Variants in LMX1B observed in about 807,000 individuals in gnomAD.
The protein encoded by LMX1B is LIM homeobox transcription factor 1-beta.
In LMX1B, 12 loss-of-function variants were observed where a neutral mutation model predicts 51.4. That is an observed-to-expected ratio of 0.23 (90% CI 0.15 to 0.38). The LOEUF (loss-of-function observed/expected upper bound fraction) is 0.38, where lower values mean the gene tolerates loss of function less well. LMX1B is among the 10% of genes least tolerant of loss of function. LMX1B has a pLI of 1.00. For missense variants in LMX1B, 445 were observed against 571.1 expected, an observed-to-expected ratio of 0.78 and a Z score of 2.25; for synonymous variants, 237 against 235.4, an observed-to-expected ratio of 1.01 and a Z score of -0.06.
At chr9:126,693,429 T>A (rs775288437) in intron 4 of LMX1B, 95 bp from the exon 5 acceptor site, 4 of 1,542,042 alleles carry the variant, frequency 2.6e-6, no homozygotes, top group Non-Finnish European at 3.6e-6. Flanking sequence ...CCCTCCATCC[T>A]CCATCTCTCC....
intron 2 of LMX1B, among the ~76,000 whole-genome samples, chr9:126,663,992 C>T (rs1588288986): frequency 6.6e-6 from 1 of 152,216 alleles, no homozygotes; most frequent in African/African-American, 2.4e-5. Context: ...TTTGGCACAT[C>T]TTGACTGCCA....
At chr9:126,681,997 C>A (rs1490667498) in intron 2 of LMX1B, among the ~76,000 whole-genome samples, 1 of 150,786 alleles carries the variant, frequency 6.6e-6, no homozygotes, top group East Asian at 1.9e-4. Context: ...GTCCCCTTTG[C>A]CCCCCAGCTC....
intron 2 of LMX1B, among the ~76,000 whole-genome samples, chr9:126,686,919 C>T (rs1403591440): frequency 1.3e-5 from 2 of 152,186 alleles, no homozygotes; most frequent in African/African-American, 2.4e-5. Flanking sequence ...AGACTGATAA[C>T]GGAGCCAGGA....
intron 2 of LMX1B, among the ~76,000 whole-genome samples, chr9:126,654,494 T>C (rs1288909602): frequency 6.6e-6 from 1 of 152,202 alleles, no homozygotes; most frequent in East Asian, 1.9e-4. Context: ...GGTAGGTTGG[T>C]GGTAGGTACC....
chr9:126,625,382 C>T lies in LMX1B; in HGVS notation c.326+9813C>T, dbSNP rs1024538752. 6.6e-6 allele frequency among the ~76,000 whole-genome samples: 1 copy of T among 152,184 alleles called. No individual in the cohort carries two copies. Among genetic ancestry groups the T allele is most frequent in the African/African-American group, 2.4e-5 (1 of 41,446 alleles). On this transcript the variant is annotated intron_variant, in intron 2 of 7. Coordinates refer to ENST00000373474, the MANE Select transcript of LMX1B (RefSeq NM_001174147.2). The surrounding 1 kb of genome is among the most constrained non-coding windows in gnomAD (Gnocchi z 5.3). ...GGGAGGGTTAGTGGGATGTGTTTGC[C>T]TCCTCTGACCGAGAGCACGGGTCCT... is the stretch of plus-strand genomic sequence containing the variant.
At chr9:126,669,756 A>G (rs571410424) in intron 2 of LMX1B, among the ~76,000 whole-genome samples, 1 of 152,042 alleles carries the variant, frequency 6.6e-6, no homozygotes, top group South Asian at 2.1e-4. Flanking sequence ...TGTCCATGGG[A>G]TGAGGGCTTG....
intron 2 of LMX1B, among the ~76,000 whole-genome samples, chr9:126,642,677 A>C (rs1006188935): frequency 6.6e-6 from 1 of 152,160 alleles, no homozygotes; most frequent in Non-Finnish European, 1.5e-5. Context: ...TAATATAGAC[A>C]CTGGGGAGGG....
chr9:126,693,671 C>T (rs1017270662), intron 5 of LMX1B, 70 bp downstream of exon 5: 36 of 1,601,232 alleles, frequency 2.2e-5, no homozygotes, highest in African/African-American at 1.2e-4. Flanking sequence ...CAGAAGACTA[C>T]GGTCCAGGGG....
At chr9:126,622,936 T>C (rs1206591032) in intron 2 of LMX1B, among the ~76,000 whole-genome samples, 1 of 151,990 alleles carries the variant, frequency 6.6e-6, no homozygotes, top group Non-Finnish European at 1.5e-5. Context: ...GAAAAGGGGG[T>C]AGTAATTCCA....
intron 2 of LMX1B, among the ~76,000 whole-genome samples, chr9:126,629,867 C>T (rs1020821158): frequency 2.6e-5 from 4 of 151,744 alleles, no homozygotes; most frequent in African/African-American, 7.3e-5. Flanking sequence ...TGTGGTTGGC[C>T]GGGTGTGGTG....
chr9:126,683,722 G>T (rs971540009), intron 2 of LMX1B, among the ~76,000 whole-genome samples: 17 of 152,334 alleles, frequency 1.1e-4, no homozygotes, highest in African/African-American at 4.1e-4. Context: ...ACACAGGAAG[G>T]TCAATACATT....
Position 126,700,332 on chromosome 9 carries a change from G to T in LMX1B, c.*3881G>T, listed in dbSNP as rs10987421. The T allele has an allele frequency of 0.094, 14,319 of 152,274 alleles. 992 individuals carry two copies. Among genetic ancestry groups the T allele is most frequent in the East Asian group, 0.23 (1,209 of 5,158 alleles). The allele number at this position is 152,274 out of a possible 1,614,324, so 9.4% of individuals were successfully genotyped here. On this transcript the variant is annotated 3_prime_UTR_variant, in exon 8 of 8. Coordinates refer to ENST00000373474, the MANE Select transcript of LMX1B (RefSeq NM_001174147.2). The stretch of plus-strand genomic sequence containing the variant: ...CCTGGCGCTGCATCAGATGAGCAGG[G>T]CCTGGCAGGGACAAGCCTCTTCTCC...
chr9:126,638,695 C>T (rs888963450), intron 2 of LMX1B, among the ~76,000 whole-genome samples: 4 of 152,074 alleles, frequency 2.6e-5, no homozygotes, highest in African/African-American at 9.7e-5. Flanking sequence ...AGCGGCGGCT[C>T]GGAGCTCCCA....
intron 2 of LMX1B, among the ~76,000 whole-genome samples, chr9:126,666,840 G>A (rs781617399): frequency 3.9e-5 from 6 of 152,072 alleles, no homozygotes; most frequent in Non-Finnish European, 8.8e-5. Flanking sequence ...GCAGAGGGGC[G>A]GCGTGGGAAG....
At chr9:126,664,884 A>G (rs1836314256) in intron 2 of LMX1B, among the ~76,000 whole-genome samples, 2 of 152,226 alleles carry the variant, frequency 1.3e-5, no homozygotes, top group Admixed American at 1.3e-4. Flanking sequence ...AAAAAAATAA[A>G]TAAATGCACA....
chr9:126,654,232 G>A (rs1481354127), intron 2 of LMX1B, among the ~76,000 whole-genome samples: 3 of 152,218 alleles, frequency 2.0e-5, no homozygotes, highest in African/African-American at 4.8e-5. Context: ...GGTTTCAGCT[G>A]AACGTCCTAT....
At position 126,626,085 on chromosome 9, in the gene LMX1B, G is replaced by A. The variant is rs949386968; in HGVS notation, c.326+10516G>A. Among the ~76,000 whole-genome samples, 3 of 152,342 alleles carry A rather than the reference G, an allele frequency of 2.0e-5. No individual in the cohort carries two copies. In the East Asian group the frequency reaches 5.8e-4, roughly 29 times the overall value. On this transcript the variant is annotated intron_variant, in intron 2 of 7. Transcript: ENST00000373474. This position sits in a 1 kb window ranked among gnomAD's most constrained non-coding sequence, Gnocchi z 4.3. The stretch of plus-strand genomic sequence containing the variant: ...GAGCTCGTGGGGTTTCAGCCCAAAG[G>A]CTCCAGTCAGTGGAACCGGAGGGGG...
rs1185155340 is a variant in LMX1B, at chr9:126,625,838, G to C, written c.326+10269G>C. Among the ~76,000 whole-genome samples the C allele has an allele frequency of 6.6e-6, 1 of 152,184 alleles. No individual in the cohort carries two copies. The highest frequency in any genetic ancestry group is 1.9e-4 in the East Asian group (1 of 5,176). On this transcript the variant is annotated intron_variant, in intron 2 of 7. Coordinates refer to ENST00000373474, the MANE Select transcript of LMX1B (RefSeq NM_001174147.2). This position sits in a 1 kb window ranked among gnomAD's most constrained non-coding sequence, Gnocchi z 5.3. ...CGTGCCTGAGCCCCGCTGCCTGCTC[G>C]GACAAGCAGAACTCCGGCAGGCGCA...
chr9:126,692,747 G>A (rs1185254049), intron 3 of LMX1B, among the ~76,000 whole-genome samples: 1 of 152,252 alleles, frequency 6.6e-6, no homozygotes, highest in Non-Finnish European at 1.5e-5. Flanking sequence ...GCACAACCGT[G>A]CGTGCACCTG....
Sources: allele counts gnomAD v4.1 joint callset (sites outside exome capture counted in the v4.1 genomes callset), GRCh38; gene constraint gnomAD v4.1.1; non-coding constraint Gnocchi (gnomAD v3.1); transcripts MANE v1.5; gene names NCBI Gene and HGNC (gene_info 2026-07-23, HGNC 2026-07-21).